Variants in ROBO2 observed in about 807,000 individuals in gnomAD.
ROBO2 encodes roundabout guidance receptor 2.
ROBO2 carries 53 observed loss-of-function variants against 160.8 expected under a neutral mutation model. That is an observed-to-expected ratio of 0.33 (90% confidence interval 0.26 to 0.41). The LOEUF (loss-of-function observed/expected upper bound fraction) is 0.41. Ranked by LOEUF, ROBO2 falls within the 10% of genes least tolerant of loss-of-function variation. The pLI, the probability that ROBO2 is intolerant of heterozygous loss-of-function variation, is 1.00. For synonymous variants in ROBO2, 664 were observed against 611.7 expected (o/e 1.09, Z -1.26); for missense variants, 1,577 against 1,722.4 (o/e 0.92, Z 1.49).
intron 2 of ROBO2, among the ~76,000 whole-genome samples, chr3:76,146,697 G>GGTGGGT (rs1553657637): frequency 3.9e-4 from 53 of 136,504 alleles, no homozygotes; most frequent in Non-Finnish European, 6.0e-4. Flanking sequence ...GATTACATAG[G>GGTGGGT]GTGTGTGTGT....
chr3:76,693,710 G>A (rs1043690040), intron 2 of ROBO2, among the ~76,000 whole-genome samples: 3 of 152,078 alleles, frequency 2.0e-5, no homozygotes, highest in Non-Finnish European at 4.4e-5. Flanking sequence ...AGAAACATGG[G>A]GCCACTGGTG....
At chr3:76,209,948 A>G (rs1160910736) in intron 2 of ROBO2, among the ~76,000 whole-genome samples, 2 of 152,130 alleles carry the variant, frequency 1.3e-5, no homozygotes, top group Admixed American at 1.3e-4. Flanking sequence ...GATGGATTAA[A>G]TGATGGAATA....
intron 2 of ROBO2, among the ~76,000 whole-genome samples, chr3:76,990,119 A>G (rs2060587111): frequency 6.6e-6 from 1 of 152,192 alleles, no homozygotes; most frequent in Non-Finnish European, 1.5e-5. Context: ...AAAAATTAAA[A>G]TAAAATGAAA....
intron 2 of ROBO2, among the ~76,000 whole-genome samples, chr3:76,437,813 C>A (rs1310486014): frequency 1.3e-5 from 2 of 152,132 alleles, no homozygotes; most frequent in Admixed American, 1.3e-4. Context: ...GCTGTCTACC[C>A]TTTTTCCATG....
intron 1 of ROBO2, among the ~76,000 whole-genome samples, chr3:75,920,757 G>T (rs536538864): frequency 1.3e-5 from 2 of 152,222 alleles, no homozygotes; most frequent in South Asian, 2.1e-4. Context: ...TCTTCTTGTT[G>T]CATTGATCCC....
At chr3:76,859,965 T>G (rs1049575081) in intron 2 of ROBO2, among the ~76,000 whole-genome samples, 6 of 152,232 alleles carry the variant, frequency 3.9e-5, no homozygotes, top group African/African-American at 1.4e-4. Flanking sequence ...CATCACTTCT[T>G]GTTGCTGGTA....
Position 76,947,308 on chromosome 3 carries a change from G to A in ROBO2, c.110-150706G>A, listed in dbSNP as rs903300334. ...CCAAATAAGATACCTCTAGAGGCCAGAATGTTATTTTTTTCTAAAAGAATT... is the reference window on the plus strand; with the variant it reads ...CCAAATAAGATACCTCTAGAGGCCAAAATGTTATTTTTTTCTAAAAGAATT... On this transcript the variant is annotated intron_variant, in intron 2 of 26. Transcript: ENST00000487694. Among the ~76,000 whole-genome samples the A allele has an allele frequency of 8.6e-5, 13 of 152,034 alleles. No homozygotes were observed. In the East Asian group the frequency reaches 1.2e-3, roughly 14 times the overall value.
intron 2 of ROBO2, among the ~76,000 whole-genome samples, chr3:77,461,636 A>AT (rs2082253942): frequency 6.6e-6 from 1 of 151,878 alleles, no homozygotes; most frequent in South Asian, 2.1e-4. Context: ...ATAATATTAG[A>AT]TTTTTAAAAA....
chr3:76,555,338 G>C (rs1474489159), intron 2 of ROBO2, among the ~76,000 whole-genome samples: 1 of 99,164 alleles, frequency 1.0e-5, no homozygotes, highest in Non-Finnish European at 2.2e-5. Context: ...AGAAGAGGAA[G>C]AGGAGGAAGA....
At chr3:77,611,223 G>C (rs1270691250) in intron 21 of ROBO2, among the ~76,000 whole-genome samples, 1 of 151,842 alleles carries the variant, frequency 6.6e-6, no homozygotes, top group Non-Finnish European at 1.5e-5. Flanking sequence ...GCGTGAACCT[G>C]GGAGGCGGAA....
chr3:75,930,678 G>A (rs1244014968), intron 1 of ROBO2, among the ~76,000 whole-genome samples: 8 of 151,954 alleles, frequency 5.3e-5, no homozygotes, highest in East Asian at 3.9e-4. Flanking sequence ...AACATGTCCC[G>A]GTTTCCCACA....
chr3:76,001,114 CTTTA>C (rs36063240), intron 2 of ROBO2, among the ~76,000 whole-genome samples: 9,173 of 151,922 alleles, frequency 0.06, 358 homozygotes, highest in Non-Finnish European at 0.075. Context: ...TTTCATTGCT[CTTTA>C]TTTAGTTATT....
At chr3:77,594,482 T>G (rs1256037415) in intron 17 of ROBO2, among the ~76,000 whole-genome samples, 1 of 152,200 alleles carries the variant, frequency 6.6e-6, no homozygotes, top group Non-Finnish European at 1.5e-5. Flanking sequence ...GCTAATAAGT[T>G]CCATAGTTAC....
intron 1 of ROBO2, among the ~76,000 whole-genome samples, chr3:75,915,165 A>T (rs1946759283): frequency 6.6e-6 from 1 of 152,212 alleles, no homozygotes; most frequent in Admixed American, 6.5e-5. Flanking sequence ...CTCTAGTTTG[A>T]TCACAAAACC....
intron 2 of ROBO2, among the ~76,000 whole-genome samples, chr3:76,208,469 T>C (rs570704551): frequency 1.3e-5 from 2 of 152,302 alleles, no homozygotes; most frequent in South Asian, 4.1e-4. Flanking sequence ...GTTAATAATG[T>C]CAAGGTTCCC....
chr3:76,634,861 T>A (rs1197436465), intron 2 of ROBO2, among the ~76,000 whole-genome samples: 1 of 152,164 alleles, frequency 6.6e-6, no homozygotes, highest in African/African-American at 2.4e-5. Context: ...AAGCATTACC[T>A]CCAGAGCTCT....
At chr3:75,977,525 A>G (rs1426088956) in intron 2 of ROBO2, among the ~76,000 whole-genome samples, 1 of 151,532 alleles carries the variant, frequency 6.6e-6, no homozygotes, top group Non-Finnish European at 1.5e-5. Flanking sequence ...TTTTTCTGCC[A>G]CAAGCAACTC....
At chr3:76,510,573 A>G (rs1304307539) in intron 2 of ROBO2, among the ~76,000 whole-genome samples, 1 of 152,070 alleles carries the variant, frequency 6.6e-6, no homozygotes, top group Admixed American at 6.6e-5. Flanking sequence ...AAAATGCACA[A>G]ATTAGCCAGA....
chr3:76,700,496 GT>G (rs1293264433), intron 2 of ROBO2, among the ~76,000 whole-genome samples: 1 of 152,104 alleles, frequency 6.6e-6, no homozygotes, highest in Non-Finnish European at 1.5e-5. Context: ...GTACTCATCT[GT>G]TTTTTCTTCT....
Sources: allele counts gnomAD v4.1 joint callset (sites outside exome capture counted in the v4.1 genomes callset), GRCh38; gene constraint gnomAD v4.1.1; transcripts MANE v1.5; gene names NCBI Gene and HGNC (gene_info 2026-07-23, HGNC 2026-07-21).